Variants in KCNA6 observed in about 807,000 individuals in gnomAD.
KCNA6 encodes the protein human brain potassium channel-2.
KCNA6 carries 17 observed loss-of-function variants against 29.5 expected under a neutral mutation model. That is an observed-to-expected ratio of 0.58 (90% CI 0.39 to 0.86). The LOEUF is 0.86. KCNA6 is among the 40% of genes least tolerant of loss of function. The pLI, the probability that KCNA6 is intolerant of heterozygous loss-of-function variation, is 0.00. For synonymous variants in KCNA6, 296 were observed against 304.7 expected, an observed-to-expected ratio of 0.97 and a Z score of 0.30; for missense variants, 450 against 703.4, an observed-to-expected ratio of 0.64 and a Z score of 4.07.
chr12:4,842,049 G>GTGTGTT, the KCNA6 span, among the ~76,000 whole-genome samples: 1 of 151,070 alleles, frequency 6.6e-6, no homozygotes, highest in African/African-American at 2.5e-5. Context: ...GTGTGTGTGT[G>GTGTGTT]TGTGTGTGTG....
At chr12:4,842,444 T>G in the KCNA6 span, 1 of 152,436 alleles carries the variant, frequency 6.6e-6, no homozygotes, top group African/African-American at 2.4e-5. Flanking sequence ...GTTTAGTAGT[T>G]CTCACACTGC....
chr12:4,816,865 T>G (rs1007761440), downstream of KCNA6, among the ~76,000 whole-genome samples: 5 of 152,170 alleles, frequency 3.3e-5, no homozygotes, highest in African/African-American at 1.2e-4. Context: ...TCTGATCCCC[T>G]CTTGGCCTGC....
chr12:4,839,904 G>A, the KCNA6 span, among the ~76,000 whole-genome samples: 4 of 152,146 alleles, frequency 2.6e-5, no homozygotes, highest in African/African-American at 7.2e-5. Context: ...CAAAGGCAAA[G>A]TGCTTTTTTT....
the KCNA6 span, chr12:4,850,952 G>A: frequency 3.5e-5 from 13 of 374,394 alleles, no homozygotes; most frequent in East Asian, 7.4e-5. The surrounding 1 kb of genome is among the most constrained non-coding windows in gnomAD (Gnocchi z 5.4). Flanking sequence ...CCAGAATGTT[G>A]GGGTGAAGCT....
At chr12:4,815,998 A>G (rs1346551432), downstream of KCNA6, among the ~76,000 whole-genome samples, 2 of 152,216 alleles carry the variant, frequency 1.3e-5, no homozygotes, top group African/African-American at 4.8e-5. Context: ...TAATAATCAT[A>G]CAACTCTAAA....
downstream of KCNA6, among the ~76,000 whole-genome samples, chr12:4,818,225 C>G (rs17177303): frequency 0.074 from 11,318 of 152,272 alleles, 540 homozygotes; most frequent in East Asian, 0.23. Context: ...ATCCTTCCCA[C>G]TGGGAATAGT....
chr12:4,819,686 G>A, the KCNA6 span, among the ~76,000 whole-genome samples: 1 of 152,212 alleles, frequency 6.6e-6, no homozygotes, highest in Non-Finnish European at 1.5e-5. Context: ...CAGCCACTAC[G>A]GCTTCTTAAC....
At chr12:4,840,786 T>A in the KCNA6 span, among the ~76,000 whole-genome samples, 2 of 152,200 alleles carry the variant, frequency 1.3e-5, no homozygotes, top group Non-Finnish European at 2.9e-5. Context: ...CATTTAGGGA[T>A]GTGTCCCCCA....
At chr12:4,835,346 G>A in the KCNA6 span, among the ~76,000 whole-genome samples, 8 of 152,116 alleles carry the variant, frequency 5.3e-5, no homozygotes, top group Non-Finnish European at 7.4e-5. Context: ...GTGTTAGCCA[G>A]GATGGTCTCG....
In KCNA6 at chr12:4,811,996, A is replaced by C; in HGVS notation, c.*365A>C. On this transcript the variant is annotated 3_prime_UTR_variant, in exon 1 of 1. Transcript: ENST00000280684. This position sits in a 1 kb window ranked among gnomAD's most constrained non-coding sequence, Gnocchi z 7.1. ...TGTCAACAGGATGGAAACCAGCCCT[A>C]TCTGAGTCTTCGCTCCCTCCTTAGT... 1 of 224,344 alleles carries C rather than the reference A, an allele frequency of 4.5e-6. No homozygotes were observed. 13.9% of individuals were successfully genotyped at this position (224,344 alleles called of 1,614,324 possible).
chr12:4,809,900 G>A (rs1946604651), exon 1 of KCNA6: 4 of 962,852 alleles, frequency 4.2e-6, no homozygotes, highest in Non-Finnish European at 6.0e-6. Context: ...CGGACCCAAC[G>A]GCCAGGTCAG....
the KCNA6 span, among the ~76,000 whole-genome samples, chr12:4,830,301 T>C: frequency 6.6e-6 from 1 of 152,230 alleles, no homozygotes; most frequent in Admixed American, 6.5e-5. Flanking sequence ...GATGCCATCC[T>C]GCAGAAAGCA....
At chr12:4,846,055 C>T in the KCNA6 span, among the ~76,000 whole-genome samples, 102,324 of 148,450 alleles carry the variant, frequency 0.69, 35,943 homozygotes, top group African/African-American at 0.76. Flanking sequence ...CAAGTCTAAA[C>T]CAAAATTCAT....
At chr12:4,840,609 A>G in the KCNA6 span, among the ~76,000 whole-genome samples, 1 of 152,246 alleles carries the variant, frequency 6.6e-6, no homozygotes, top group African/African-American at 2.4e-5. Context: ...CACGTTCCAC[A>G]TCAATCACAG....
At chr12:4,821,845 CT>C in the KCNA6 span, among the ~76,000 whole-genome samples, 13 of 151,252 alleles carry the variant, frequency 8.6e-5, no homozygotes, top group East Asian at 1.9e-4. Context: ...TGTCATTTTT[CT>C]TTTTTTTTAG....
the KCNA6 span, among the ~76,000 whole-genome samples, chr12:4,839,945 GT>G: frequency 6.6e-6 from 1 of 150,410 alleles, no homozygotes; most frequent in African/African-American, 2.4e-5. Context: ...ACAATTTTTT[GT>G]TTCTTTTTTA....
chr12:4,839,885 G>A, the KCNA6 span, among the ~76,000 whole-genome samples: 132 of 152,304 alleles, frequency 8.7e-4, 1 homozygote, highest in South Asian at 8.7e-3. Context: ...GACCAAGTTT[G>A]TGTGACTCCA....
chr12:4,842,461 G>A, the KCNA6 span: 1 of 152,890 alleles, frequency 6.5e-6, no homozygotes, highest in African/African-American at 2.4e-5. Flanking sequence ...CTGCTATAAA[G>A]AGCTATCTGA....
chr12:4,812,342 T>A (rs1946640674), exon 1 of KCNA6: 1 of 167,242 alleles, frequency 6.0e-6, no homozygotes, highest in Non-Finnish European at 1.5e-5. Context: ...GGTCTACATT[T>A]AGTTCTCCCC....
Sources: gnomAD v4.1 joint callset for allele counts (sites outside exome capture counted in the v4.1 genomes callset) on GRCh38, gnomAD v4.1.1 for gene constraint, Gnocchi (gnomAD v3.1) non-coding constraint, MANE v1.5 for transcripts, NCBI Gene and HGNC (gene_info 2026-07-23, HGNC 2026-07-21) for gene names.